Variants in MAN2A1 observed in about 807,000 individuals in gnomAD.
MAN2A1 encodes alpha-mannosidase 2.
A neutral mutation model predicts 142.6 loss-of-function variants in MAN2A1; 76 were observed. The observed-to-expected ratio is 0.53, with a 90% CI of 0.44 to 0.65. The LOEUF (loss-of-function observed/expected upper bound fraction) is 0.65, where lower values mean the gene tolerates loss of function less well. Ranked by LOEUF, MAN2A1 falls within the 30% of genes least tolerant of loss-of-function variation. The pLI is 0.00. For synonymous variants in MAN2A1, 559 were observed against 473.2 expected (o/e 1.18, Z -2.35); for missense variants, 1,311 against 1,365.1 (o/e 0.96, Z 0.62).
intron 1 of MAN2A1, among the ~76,000 whole-genome samples, chr5:109,701,162 A>C (rs1244238660): frequency 6.6e-6 from 1 of 152,212 alleles, no homozygotes; most frequent in East Asian, 1.9e-4. Flanking sequence ...ATTATTTTAC[A>C]TTCCTGATAT....
chr5:109,828,118 A>AG (rs1754805855), intron 16 of MAN2A1, among the ~76,000 whole-genome samples: 1 of 143,312 alleles, frequency 7.0e-6, no homozygotes, highest in Non-Finnish European at 1.5e-5. Flanking sequence ...AAAAAAAAAA[A>AG]GAAAAAAAGA....
chr5:109,726,059 A>G (rs1016452841), intron 3 of MAN2A1, among the ~76,000 whole-genome samples: 1 of 152,206 alleles, frequency 6.6e-6, no homozygotes. Flanking sequence ...ATGGAAAAGA[A>G]TAAATTGAAA....
rs1561534481 is a variant in MAN2A1, at chr5:109,832,171, T to TTTC, written c.2566+8336_2566+8337insCTT. Among the ~76,000 whole-genome samples the TTTC allele has an allele frequency of 9.6e-5, 14 of 145,334 alleles. No individual in the cohort carries two copies. In the East Asian group the frequency reaches 2.4e-3, roughly 25 times the overall value. On this transcript the variant is annotated intron_variant, in intron 16 of 21. Transcript: ENST00000261483. The stretch of plus-strand genomic sequence containing the variant: ...AATGGAAGGAGTTTTCTTTTTTTTT[T>TTTC]TTTTTTTTTTTTTTTAGTATTTATT...
At position 109,719,674 on chromosome 5, in the gene MAN2A1, G is replaced by C. The variant is rs557095621; in HGVS notation, c.535+3410G>C. Reference sequence around the variant, plus strand: ...GGTGGATTTTCGTCTATTGGGAATAGAAATATTTGAAATAGATTTTTAAAA... The same window carrying C: ...GGTGGATTTTCGTCTATTGGGAATACAAATATTTGAAATAGATTTTTAAAA... On this transcript the variant is annotated intron_variant, in intron 3 of 21. Coordinates refer to ENST00000261483, the MANE Select transcript of MAN2A1 (RefSeq NM_002372.4). Among the ~76,000 whole-genome samples, 7 of 152,192 alleles carry C rather than the reference G, an allele frequency of 4.6e-5. No individual in the cohort carries two copies. The East Asian group carries it at 1.4e-3, about 29-fold the overall frequency.
chr5:109,740,021 C>A (rs1561487867), intron 4 of MAN2A1, among the ~76,000 whole-genome samples: 1 of 152,176 alleles, frequency 6.6e-6, no homozygotes, highest in African/African-American at 2.4e-5. Flanking sequence ...GTAATAAGAT[C>A]CCTGTGTTCC....
chr5:109,780,607 TTAAA>T (rs1226554810), intron 8 of MAN2A1, among the ~76,000 whole-genome samples: 1 of 152,062 alleles, frequency 6.6e-6, no homozygotes, highest in African/African-American at 2.4e-5. Context: ...ACATTCCCTG[TTAAA>T]TAATCTGTTT....
rs534294861 is a variant in MAN2A1 at position 109,810,250 on chromosome 5, C to T, written c.1944-7023C>T. Among the ~76,000 whole-genome samples, 4 of 152,008 alleles carry T rather than the reference C, an allele frequency of 2.6e-5. No individual in the cohort carries two copies. In the East Asian group the frequency reaches 7.7e-4, roughly 29 times the overall value. On this transcript the variant is annotated intron_variant, in intron 12 of 21. Transcript: ENST00000261483. The stretch of plus-strand genomic sequence containing the variant: ...CACGTGGCTCTGTCTTTTGTGATGC[C>T]TCTTAATTTCATATTGAGTACTAGA...
At chr5:109,781,293 G>T in intron 8 of MAN2A1, 103 bp from the exon 9 acceptor site, 2 of 637,936 alleles carry the variant, frequency 3.1e-6, no homozygotes, top group South Asian at 2.7e-5. Flanking sequence ...ATCTTAACTT[G>T]GAAACACATG....
intron 16 of MAN2A1, among the ~76,000 whole-genome samples, chr5:109,829,400 A>G (rs1253147819): frequency 6.6e-6 from 1 of 152,186 alleles, no homozygotes; most frequent in Non-Finnish European, 1.5e-5. Context: ...TTTTTCTGCT[A>G]AGGCTTTGGC....
intron 12 of MAN2A1, among the ~76,000 whole-genome samples, chr5:109,805,527 C>A (rs1352813734): frequency 6.6e-6 from 1 of 152,162 alleles, no homozygotes; most frequent in Admixed American, 6.5e-5. Context: ...TCTGTTCTTT[C>A]CATGCCTTTG....
chr5:109,767,786 G>T (rs1037583651), intron 6 of MAN2A1, 78 bp downstream of exon 6: 180 of 1,248,958 alleles, frequency 1.4e-4, no homozygotes, highest in Non-Finnish European at 1.8e-4. Flanking sequence ...ATGCCACTGT[G>T]GGTTTTGTTC....
rs1750623769 is a variant in MAN2A1 at position 109,690,205 on chromosome 5, C to T, written c.-213C>T. ...TCGCCTCGAGAGGGGCGCCCGACCC[C>T]GGGGAGGGCGGCAGGCCAGGGCGAA... On this transcript the variant is annotated 5_prime_UTR_variant, in exon 1 of 22. Transcript: ENST00000261483. 1.9e-6 allele frequency: 1 copy of T among 537,652 alleles called. No homozygotes were observed. Among genetic ancestry groups the T allele is most frequent in the Non-Finnish European group, 3.3e-6 (1 of 299,848 alleles). 33.3% of individuals were successfully genotyped at this position (537,652 alleles called of 1,614,324 possible). A position where few individuals can be genotyped will look rare whatever the true frequency, so the allele number is the denominator to read the frequency against.
chr5:109,797,597 A>G (rs1753898455), intron 12 of MAN2A1, among the ~76,000 whole-genome samples: 1 of 152,158 alleles, frequency 6.6e-6, no homozygotes, highest in Non-Finnish European at 1.5e-5. Flanking sequence ...CAACAAAAGA[A>G]TTAAAAAACT....
chr5:109,741,752 A>G (rs1433332824), intron 4 of MAN2A1, among the ~76,000 whole-genome samples: 1 of 152,200 alleles, frequency 6.6e-6, no homozygotes, highest in Non-Finnish European at 1.5e-5. Flanking sequence ...CAACTCTATA[A>G]GCTTTTAAAA....
Position 109,823,747 on chromosome 5 carries a change from T to A in MAN2A1, c.2476T>A (p.Phe826Ile), listed in dbSNP as rs376812245. 5 of 1,606,380 alleles carry A rather than the reference T, an allele frequency of 3.1e-6. No homozygotes were observed. The African/African-American group carries it at 6.7e-5, about 22-fold the overall frequency. The part of the protein sequence containing the change: ...AKPYVYTTPP[F>I]VRVTHGRIYS... ...GCCTTATGTTTACACAACACCGCCC[T>A]TTGTCAGAGTGACACATGGAAGGAT... The change falls in exon 16 of 22, where the codon TTT becomes ATT. Residue 826 changes from phenylalanine (F) to isoleucine (I), a missense_variant. Coordinates refer to ENST00000261483, the MANE Select transcript of MAN2A1 (RefSeq NM_002372.4).
At chr5:109,850,645 G>A (rs933227064) in intron 19 of MAN2A1, among the ~76,000 whole-genome samples, 1 of 152,028 alleles carries the variant, frequency 6.6e-6, no homozygotes, top group Non-Finnish European at 1.5e-5. Context: ...AAAGTTTCTC[G>A]CTTATATGAC....
intron 20 of MAN2A1, chr5:109,863,378 A>C (rs1447953464): frequency 2.0e-5 from 3 of 152,164 alleles, no homozygotes; most frequent in Admixed American, 2.0e-4. Flanking sequence ...TTTCATCTTC[A>C]TTTTATGGAA....
At chr5:109,720,178 A>G (rs1011868110) in intron 3 of MAN2A1, among the ~76,000 whole-genome samples, 1 of 152,194 alleles carries the variant, frequency 6.6e-6, no homozygotes, top group Non-Finnish European at 1.5e-5. Flanking sequence ...AAGGTATACT[A>G]AATGAAAGAT....
chr5:109,744,268 T>C (rs1313510406), intron 4 of MAN2A1, among the ~76,000 whole-genome samples: 1 of 152,060 alleles, frequency 6.6e-6, no homozygotes, highest in Non-Finnish European at 1.5e-5. Context: ...AGGGTTTTCT[T>C]CTATAGAGGC....
Sources: allele counts gnomAD v4.1 joint callset (sites outside exome capture counted in the v4.1 genomes callset), GRCh38; gene constraint gnomAD v4.1.1; transcripts MANE v1.5; gene names NCBI Gene and HGNC (gene_info 2026-07-23, HGNC 2026-07-21).